CPNE4: variants seen among roughly 807,000 people sequenced by gnomAD.
CPNE4 encodes the protein copine 4.
In CPNE4, 25 loss-of-function variants were observed where a neutral mutation model predicts 67.9. That is an observed-to-expected ratio of 0.37 (90% CI 0.27 to 0.51). The LOEUF (loss-of-function observed/expected upper bound fraction) is 0.51. CPNE4 is among the 20% of genes least tolerant of loss of function. The probability of loss-of-function intolerance (pLI) is 0.93; values close to 1 mark genes in which losing one functional copy is unlikely to be tolerated. For missense variants in CPNE4, 464 were observed against 690.8 expected (o/e 0.67, Z 3.68); for synonymous variants, 242 against 244.9 (o/e 0.99, Z 0.11).
At chr3:132,011,417 C>T (rs1001835852) in intron 1 of CPNE4, among the ~76,000 whole-genome samples, 39 of 152,178 alleles carry the variant, frequency 2.6e-4, no homozygotes, top group Middle Eastern at 3.4e-3. Context: ...TCCTTGTGGC[C>T]CTTTTAATGA....
At chr3:131,566,735 C>T (rs1159273981) in intron 10 of CPNE4, among the ~76,000 whole-genome samples, 2 of 151,900 alleles carry the variant, frequency 1.3e-5, no homozygotes, top group Non-Finnish European at 2.9e-5. Context: ...CCTTTTACTC[C>T]TAATGGGACA....
rs1007397303 is a variant in CPNE4 at position 131,993,291 on chromosome 3, T to G, written c.-2+41276A>C. On this transcript the variant is annotated intron_variant, in intron 1 of 15. Transcript: ENST00000429747. ...CTTTGCTATGTGAAGTTAAGTAGAT[T>G]GATAAATGCTGTCCAGGTTCAGGAC... is the stretch of plus-strand genomic sequence containing the variant. Among the ~76,000 whole-genome samples, 21 of 134,896 alleles carry G rather than the reference T, an allele frequency of 1.6e-4. 7 individuals are homozygous for G. The East Asian group carries it at 5.0e-3, about 32-fold the overall frequency. 88.5% of individuals were successfully genotyped at this position (134,896 alleles called of 152,430 possible). A position where few individuals can be genotyped will look rare whatever the true frequency, so the allele number is the denominator to read the frequency against.
At chr3:131,695,609 T>G (rs955785270) in intron 5 of CPNE4, among the ~76,000 whole-genome samples, 5 of 152,082 alleles carry the variant, frequency 3.3e-5, no homozygotes, top group Non-Finnish European at 7.4e-5. Context: ...TTTCTGAAAT[T>G]TGGGGAGATG....
chr3:132,033,906 C>T (rs1184039240), intron 1 of CPNE4, among the ~76,000 whole-genome samples: 1 of 152,216 alleles, frequency 6.6e-6, no homozygotes, highest in Non-Finnish European at 1.5e-5. Flanking sequence ...TCAGTGGTCC[C>T]TCCAGTCCCG....
rs145910339 is a variant in CPNE4, at chr3:131,562,883, C to T, written c.1061+1333G>A. Among the ~76,000 whole-genome samples the T allele has an allele frequency of 6.1e-3, 935 of 152,110 alleles. 7 individuals carry two copies. Among genetic ancestry groups the T allele is most frequent in the Non-Finnish European group, 8.6e-3 (584 of 67,946 alleles). The stretch of plus-strand genomic sequence containing the variant: ...TTTCCAAAAAGATAATTTAAAATAA[C>T]TATTGACTTTTTTCCTGGATGTACA... On this transcript the variant is annotated intron_variant, in intron 11 of 15. Transcript: ENST00000429747.
intron 1 of CPNE4, among the ~76,000 whole-genome samples, chr3:131,988,080 A>T (rs892983081): frequency 3.3e-5 from 5 of 152,234 alleles, no homozygotes; most frequent in Non-Finnish European, 7.3e-5. Flanking sequence ...TGACACAGAC[A>T]TGAACAAGTC....
At chr3:131,862,829 G>T (rs922139542) in intron 2 of CPNE4, among the ~76,000 whole-genome samples, 1 of 151,872 alleles carries the variant, frequency 6.6e-6, no homozygotes, top group African/African-American at 2.4e-5. Flanking sequence ...TTTGACATTA[G>T]GTATATCTCC....
chr3:131,839,249 A>G (rs1409694662), intron 2 of CPNE4, among the ~76,000 whole-genome samples: 1 of 151,934 alleles, frequency 6.6e-6, no homozygotes, highest in Non-Finnish European at 1.5e-5. Flanking sequence ...TTGAATAATT[A>G]AAAAACCTAC....
chr3:131,841,451 C>A (rs1560441151), intron 2 of CPNE4, among the ~76,000 whole-genome samples: 1 of 152,176 alleles, frequency 6.6e-6, no homozygotes, highest in Non-Finnish European at 1.5e-5. Flanking sequence ...GAGCAGAGGG[C>A]AAGTAAGCAT....
At chr3:131,607,150 T>G (rs1483782375) in intron 7 of CPNE4, among the ~76,000 whole-genome samples, 1 of 151,832 alleles carries the variant, frequency 6.6e-6, no homozygotes, top group Non-Finnish European at 1.5e-5. Flanking sequence ...GTGGATCACT[T>G]TCCTGGGAGA....
intron 11 of CPNE4, 105 bp from the exon 12 acceptor site, chr3:131,555,656 G>T: frequency 1.1e-6 from 1 of 910,280 alleles, no homozygotes; most frequent in Non-Finnish European, 1.8e-6. Flanking sequence ...AGGCCATGTT[G>T]CTATGCCAGT....
chr3:131,670,352 AC>A (rs2080377051), intron 6 of CPNE4, among the ~76,000 whole-genome samples: 1 of 152,234 alleles, frequency 6.6e-6, no homozygotes, highest in African/African-American at 2.4e-5. Flanking sequence ...GAAAGGCGTG[AC>A]AAAGCAGATC....
At chr3:131,827,619 A>G (rs910376918) in intron 2 of CPNE4, among the ~76,000 whole-genome samples, 13 of 152,048 alleles carry the variant, frequency 8.5e-5, no homozygotes, top group Non-Finnish European at 1.6e-4. Flanking sequence ...TTTTACCACA[A>G]TGGCTGTTAT....
intron 7 of CPNE4, among the ~76,000 whole-genome samples, chr3:131,650,670 G>A (rs1412314175): frequency 1.5e-5 from 2 of 137,766 alleles, no homozygotes; most frequent in African/African-American, 3.1e-5. Context: ...GCGTGAACCC[G>A]GGAGGCGGAG....
intron 1 of CPNE4, among the ~76,000 whole-genome samples, chr3:131,987,591 T>C (rs758987159): frequency 6.6e-6 from 1 of 152,136 alleles, no homozygotes; most frequent in African/African-American, 2.4e-5. Flanking sequence ...CTTCACCATG[T>C]TGGCCAGGCT....
chr3:132,018,615 G>A (rs540618966), intron 1 of CPNE4, among the ~76,000 whole-genome samples: 1 of 152,238 alleles, frequency 6.6e-6, no homozygotes, highest in South Asian at 2.1e-4. Context: ...TGCTAGGAAA[G>A]ACCATTTAAA....
chr3:131,710,973 G>T (rs969356719), intron 3 of CPNE4, among the ~76,000 whole-genome samples: 2 of 152,152 alleles, frequency 1.3e-5, no homozygotes, highest in African/African-American at 4.8e-5. Context: ...GATGATGATA[G>T]TGTTGATAGC....
chr3:131,544,572 C>CTGAGT (rs1172349774), intron 14 of CPNE4, among the ~76,000 whole-genome samples: 1 of 152,112 alleles, frequency 6.6e-6, no homozygotes, highest in Admixed American at 6.6e-5. Context: ...TCTGTATTTT[C>CTGAGT]TGAGTTGTAT....
intron 1 of CPNE4, among the ~76,000 whole-genome samples, chr3:131,930,000 A>G (rs1452728458): frequency 1.3e-5 from 2 of 152,198 alleles, no homozygotes; most frequent in Non-Finnish European, 2.9e-5. Flanking sequence ...TTACAAATGT[A>G]CTGTGGAGAT....
Sources: gnomAD v4.1 joint callset for allele counts (sites outside exome capture counted in the v4.1 genomes callset) on GRCh38, gnomAD v4.1.1 for gene constraint, MANE v1.5 for transcripts, NCBI Gene and HGNC (gene_info 2026-07-23, HGNC 2026-07-21) for gene names.